Variants in SHF observed in about 807,000 individuals in gnomAD.
SHF encodes Src homology 2 domain containing F.
A neutral mutation model predicts 42.4 loss-of-function variants in SHF; 30 were observed. The ratio of observed to expected loss-of-function variants is 0.71; its 90% CI spans 0.53 to 0.96. The LOEUF (loss-of-function observed/expected upper bound fraction) is 0.96. Ranked by LOEUF, SHF falls within the 40% of genes least tolerant of loss-of-function variation. SHF has a pLI of 0.00. For synonymous variants in SHF, 264 were observed against 269.9 expected, an observed-to-expected ratio of 0.98 and a Z score of 0.21; for missense variants, 598 against 634.0, an observed-to-expected ratio of 0.94 and a Z score of 0.61.
intron 1 of SHF, chr15:45,181,065 CGG>C (rs1898099173): frequency 6.6e-6 from 1 of 152,306 alleles, no homozygotes; most frequent in African/African-American, 2.4e-5. Flanking sequence ...AGAGCCCCTT[CGG>C]CCTCTCCCTC....
intron 2 of SHF, among the ~76,000 whole-genome samples, chr15:45,198,115 CAAA>C (rs113923205): frequency 6.6e-6 from 1 of 150,732 alleles, no homozygotes; most frequent in Non-Finnish European, 1.5e-5. Context: ...AAAAAACAAA[CAAA>C]AAAAAATTAT....
upstream of SHF, among the ~76,000 whole-genome samples, chr15:45,188,755 T>A (rs547301018): frequency 2.2e-4 from 34 of 152,336 alleles, no homozygotes; most frequent in African/African-American, 7.9e-4. Flanking sequence ...ATCCCGGGCT[T>A]CATTGTCAAT....
intron 2 of SHF, chr15:45,198,575 C>G (rs12323957): frequency 1.8e-6 from 1 of 555,782 alleles, no homozygotes; most frequent in East Asian, 3.1e-5. Flanking sequence ...AAAAAAATAC[C>G]GAGCCCCTTG....
chr15:45,199,920 C>G (rs12904815), intron 1 of SHF: 42,850 of 130,950 alleles, frequency 0.33, 7,379 homozygotes, highest in East Asian at 0.62. Context: ...CGCCACTGCA[C>G]TCCAGCCTGG....
At chr15:45,180,396 G>A (rs1022932230) in intron 1 of SHF, among the ~76,000 whole-genome samples, 1 of 152,104 alleles carries the variant, frequency 6.6e-6, no homozygotes. Flanking sequence ...GCCCACCTTC[G>A]GTGATTCTGT....
intron 1 of SHF, among the ~76,000 whole-genome samples, chr15:45,179,680 G>A: frequency 6.6e-6 from 1 of 152,192 alleles, no homozygotes; most frequent in Non-Finnish European, 1.5e-5. Flanking sequence ...GTTCACCCAG[G>A]GCTGCCAGCA....
At chr15:45,195,148 T>C (rs567721419) in intron 2 of SHF, among the ~76,000 whole-genome samples, 1 of 152,332 alleles carries the variant, frequency 6.6e-6, no homozygotes, top group African/African-American at 2.4e-5. Flanking sequence ...TTTAAAATGG[T>C]TATTTAATAT....
Position 45,178,150 on chromosome 15 carries a change from G to A in SHF, c.640+15C>T. 6.2e-7 allele frequency: 1 copy of A among 1,610,392 alleles called. No homozygotes were observed. Among genetic ancestry groups the A allele is most frequent in the Non-Finnish European group, 8.5e-7 (1 of 1,179,138 alleles). Reference sequence around the variant, plus strand: ...CCAGGCCTCAGGGAGCACCTCCCCTGCCCCTGTCACTCACCGGCCATCATC... The same window carrying A: ...CCAGGCCTCAGGGAGCACCTCCCCTACCCCTGTCACTCACCGGCCATCATC... On this transcript the variant is annotated intron_variant, in intron 2 of 6. Coordinates refer to ENST00000690270, the MANE Select transcript of SHF (RefSeq NM_001394037.1).
intron 1 of SHF, 146 bp downstream of exon 1, chr15:45,187,308 G>T (rs1898473801): frequency 1.4e-6 from 1 of 735,692 alleles, no homozygotes; most frequent in Non-Finnish European, 1.9e-6. Flanking sequence ...GGTGGGTGAA[G>T]GCTCGGAACC....
intron 6 of SHF, among the ~76,000 whole-genome samples, chr15:45,169,412 G>A (rs542569536): frequency 2.6e-4 from 40 of 152,340 alleles, no homozygotes; most frequent in African/African-American, 9.4e-4. Context: ...GAGGCCCCAG[G>A]GCTGGGAGTC....
intron 1 of SHF, among the ~76,000 whole-genome samples, chr15:45,186,850 C>T (rs1327944798): frequency 6.6e-6 from 1 of 152,262 alleles, no homozygotes; most frequent in Non-Finnish European, 1.5e-5. Flanking sequence ...CCTGTCTTCG[C>T]CTCCTGAGAA....
intron 6 of SHF, chr15:45,170,163 C>T (rs1009162973): frequency 3.4e-6 from 1 of 296,702 alleles, no homozygotes. Context: ...TAATATGGCA[C>T]TGGTGGAGCC....
chr15:45,170,779 G>C (rs1457365076), intron 6 of SHF: 1 of 229,732 alleles, frequency 4.4e-6, no homozygotes, highest in East Asian at 1.3e-4. Flanking sequence ...AGCCTCCCGA[G>C]TAGCTGGCAT....
chr15:45,175,265 G>T lies in SHF; in HGVS notation c.801C>A (p.Asp267Glu). ...EDDERPPEEY[D>E]QPWEWKKERI... ...GCTCCTTCTTCCACTCCCAGGGCTG[G>T]TCATACTCCTCAGGGGGCCTCTCAT... Residue 267 changes from aspartate (D) to glutamate (E), a missense_variant, in exon 3 of 7, where the codon GAC becomes GAA. By Grantham distance (45) the Asp-to-Glu change is conservative. Around this residue, in one of 2 missense-constraint regions of SHF, gnomAD observed 439 missense variants for 524.6 expected, o/e 0.84. Coordinates refer to ENST00000690270, the MANE Select transcript of SHF (RefSeq NM_001394037.1). 6.2e-7 allele frequency: 1 copy of T among 1,612,186 alleles called. No individual in the cohort carries two copies. The highest frequency in any genetic ancestry group is 8.5e-7 in the Non-Finnish European group (1 of 1,179,338).
At chr15:45,194,718 T>C (rs187050711) in intron 2 of SHF, among the ~76,000 whole-genome samples, 53 of 152,310 alleles carry the variant, frequency 3.5e-4, no homozygotes, top group African/African-American at 1.1e-3. Context: ...CACAAGATGT[T>C]CCAGAATCAC....
intron 5 of SHF, 23 bp from the exon 6 acceptor site, chr15:45,172,025 G>C (rs1367947729): frequency 6.2e-7 from 1 of 1,613,762 alleles, no homozygotes; most frequent in Non-Finnish European, 8.5e-7. Context: ...GAGAGGAAGG[G>C]GGGCATCTCT....
At chr15:45,183,218 G>C (rs1374606297) in intron 1 of SHF, among the ~76,000 whole-genome samples, 1 of 152,206 alleles carries the variant, frequency 6.6e-6, no homozygotes, top group African/African-American at 2.4e-5. Context: ...TGCTGGCTGA[G>C]AAACCGTGCA....
chr15:45,185,454 C>G (rs1898340864), intron 1 of SHF, among the ~76,000 whole-genome samples: 1 of 152,208 alleles, frequency 6.6e-6, no homozygotes, highest in Non-Finnish European at 1.5e-5. Context: ...TGGGGAGCTG[C>G]TCTCTCTAAA....
chr15:45,192,390 C>CA (rs1465618387), upstream of SHF, among the ~76,000 whole-genome samples: 3 of 93,870 alleles, frequency 3.2e-5, no homozygotes, highest in African/African-American at 1.5e-4. Context: ...TTTTTTGAGA[C>CA]AGAGTCTCGC....
Sources: allele counts gnomAD v4.1 joint callset (sites outside exome capture counted in the v4.1 genomes callset), GRCh38; gene constraint gnomAD v4.1.1; regional missense constraint gnomAD v4.1.1; transcripts MANE v1.5; gene names NCBI Gene and HGNC (gene_info 2026-07-23, HGNC 2026-07-21).